Variants in ECD observed in about 807,000 individuals in gnomAD.
ECD encodes the protein ecdysoneless cell cycle regulator.
A neutral mutation model predicts 77.2 loss-of-function variants in ECD; 59 were observed. The observed-to-expected ratio is 0.76, with a 90% confidence interval of 0.62 to 0.95. ECD has a LOEUF of 0.95. ECD is among the 40% of genes least tolerant of loss of function. The pLI is 0.00. For synonymous variants in ECD, 233 were observed against 267.4 expected (o/e 0.87, Z 1.26); for missense variants, 704 against 763.4 (o/e 0.92, Z 0.92).
chr10:73,136,839 G>T lies in ECD; in HGVS notation c.1569C>A (p.Asp523Glu). 1 of 1,614,068 alleles carries T rather than the reference G, an allele frequency of 6.2e-7. No individual in the cohort carries two copies. Among genetic ancestry groups the T allele is most frequent in the Non-Finnish European group, 8.5e-7 (1 of 1,180,018 alleles). The change falls in exon 13 of 14, where the codon GAC (aspartate) becomes GAA (glutamate). Residue 523 changes from aspartate to glutamate, a missense_variant. By Grantham distance (45) the Asp-to-Glu change is conservative. Around this residue, in one of 3 missense-constraint regions of ECD, gnomAD observed 142 missense variants for 163.6 expected, o/e 0.87. Coordinates refer to ENST00000372979, the MANE Select transcript of ECD (RefSeq NM_007265.3). ...CTTCGCCAGGTTCGTGTGTTTCAAA[G>T]TCCAAGTCATCATCACTATCTAAAC... is the stretch of plus-strand genomic sequence containing the variant. ...FECLDSDDDLDFETHEPGEEA... is the reference protein window; with the variant it reads ...FECLDSDDDLEFETHEPGEEA...
intron 3 of ECD, among the ~76,000 whole-genome samples, chr10:73,158,181 G>A (rs1396254763): frequency 6.6e-6 from 1 of 151,650 alleles, no homozygotes; most frequent in Non-Finnish European, 1.5e-5. Flanking sequence ...GGCTCGTCTC[G>A]AACTTCTGAC....
At chr10:73,158,781 T>C (rs1242971951) in intron 3 of ECD, among the ~76,000 whole-genome samples, 1 of 152,096 alleles carries the variant, frequency 6.6e-6, no homozygotes, top group Non-Finnish European at 1.5e-5. Flanking sequence ...CATGTGCCTG[T>C]AGTACCAGCT....
Position 73,161,904 on chromosome 10 carries a change from T to C in ECD, c.206-1353A>G, listed in dbSNP as rs374551078. 1.4e-4 allele frequency among the ~76,000 whole-genome samples: 21 copies of C among 152,290 alleles called. No homozygotes were observed. In the South Asian group the frequency reaches 4.1e-3, roughly 30 times the overall value. ...CACGAAAATCAATGTACAGTTAATA[T>C]CCCACATTAACAGAATGAAGGTCAA... On this transcript the variant is annotated intron_variant, in intron 2 of 13. Coordinates refer to ENST00000372979, the MANE Select transcript of ECD (RefSeq NM_007265.3).
At chr10:73,151,326 A>G (rs1371290505) in intron 7 of ECD, among the ~76,000 whole-genome samples, 1 of 143,158 alleles carries the variant, frequency 7.0e-6, no homozygotes, top group Non-Finnish European at 1.5e-5. Context: ...GAATTGAACA[A>G]TGAGAACACA....
At chr10:73,153,146 G>A (rs998253408) in intron 6 of ECD, among the ~76,000 whole-genome samples, 2 of 151,896 alleles carry the variant, frequency 1.3e-5, no homozygotes, top group African/African-American at 4.8e-5. Flanking sequence ...TCAAACTCCT[G>A]ACCTCAGGTG....
chr10:73,153,048 G>T (rs2133263652), intron 6 of ECD, among the ~76,000 whole-genome samples: 1 of 151,768 alleles, frequency 6.6e-6, no homozygotes, highest in South Asian at 2.1e-4. Context: ...ACAGGGTCTT[G>T]CTCTGTTGCA....
At chr10:73,154,624 A>G (rs1254131600) in intron 5 of ECD, among the ~76,000 whole-genome samples, 176 bp from the exon 6 acceptor site, 1 of 152,224 alleles carries the variant, frequency 6.6e-6, no homozygotes, top group Non-Finnish European at 1.5e-5. Context: ...AGAGGGAAAG[A>G]AAAAAGTAGG....
At chr10:73,148,644 C>T (rs1415391385) in intron 7 of ECD, among the ~76,000 whole-genome samples, 1 of 152,006 alleles carries the variant, frequency 6.6e-6, no homozygotes, top group East Asian at 1.9e-4. Flanking sequence ...ATAAAGATTC[C>T]TGTTCTCTTC....
intron 2 of ECD, among the ~76,000 whole-genome samples, 164 bp downstream of exon 2, chr10:73,163,569 A>G (rs1564668420): frequency 6.6e-6 from 1 of 152,220 alleles, no homozygotes; most frequent in Non-Finnish European, 1.5e-5. Flanking sequence ...TTTTTAAAAA[A>G]AAGCTTTAAG....
chr10:73,163,639 T>G, intron 2 of ECD, 94 bp downstream of exon 2: 1 of 1,259,786 alleles, frequency 7.9e-7, no homozygotes, highest in Non-Finnish European at 1.1e-6. Flanking sequence ...AATCTCTTCC[T>G]GGCAACACTG....
rs928436878 is a variant in ECD, at chr10:73,133,848, A to T, written c.*735T>A. ...AATTAAGTACAGTATCAGGTATGAA[A>T]TATCCAAAATAGGCAAATCCATAGA... On this transcript the variant is annotated 3_prime_UTR_variant, in exon 14 of 14. Transcript: ENST00000372979. 1.3e-5 allele frequency: 2 copies of T among 152,214 alleles called. No individual in the cohort carries two copies. Among genetic ancestry groups the T allele is most frequent in the African/African-American group, 4.8e-5 (2 of 41,460 alleles). 9.4% of individuals were successfully genotyped at this position (152,214 alleles called of 1,614,324 possible). A position where few individuals can be genotyped will look rare whatever the true frequency, so the allele number is the denominator to read the frequency against.
At chr10:73,148,198 T>C (rs1843153062) in intron 8 of ECD, 78 bp downstream of exon 8, 5 of 1,519,778 alleles carry the variant, frequency 3.3e-6, no homozygotes, top group African/African-American at 1.4e-5. Context: ...CATTTAAATA[T>C]GGACTATAGG....
chr10:73,157,226 T>G (rs1843308401), intron 3 of ECD, among the ~76,000 whole-genome samples: 1 of 151,540 alleles, frequency 6.6e-6, no homozygotes, highest in South Asian at 2.1e-4. Context: ...ATTTTTGTAT[T>G]TTTAGTAGAG....
chr10:73,156,760 T>C, intron 3 of ECD, 105 bp from the exon 4 acceptor site: 1 of 1,103,498 alleles, frequency 9.1e-7, no homozygotes, highest in South Asian at 1.3e-5. Context: ...AGTAAATATT[T>C]GAGTATGTAC....
chr10:73,139,241 T>G, intron 11 of ECD, 68 bp downstream of exon 11: 2 of 1,379,664 alleles, frequency 1.4e-6, no homozygotes. Flanking sequence ...AAAGTGGAAA[T>G]GGCAATGACT....
intron 3 of ECD, among the ~76,000 whole-genome samples, chr10:73,157,412 T>TA (rs1843310655): frequency 6.6e-6 from 1 of 151,526 alleles, no homozygotes; most frequent in African/African-American, 2.4e-5. Flanking sequence ...TTACATTTTT[T>TA]AAAAAAATGT....
intron 9 of ECD, among the ~76,000 whole-genome samples, chr10:73,142,632 C>CAA (rs35853120): frequency 7.2e-4 from 53 of 73,564 alleles, no homozygotes; most frequent in East Asian, 5.5e-3. Flanking sequence ...GACTCCATCT[C>CAA]AAAAAAAAAA....
At chr10:73,161,390 T>A (rs1843379051) in intron 2 of ECD, among the ~76,000 whole-genome samples, 1 of 151,938 alleles carries the variant, frequency 6.6e-6, no homozygotes, top group Non-Finnish European at 1.5e-5. Context: ...ACAACTTATG[T>A]CATAGAAATA....
chr10:73,136,792 A>C lies in ECD; in HGVS notation c.1616T>G (p.Leu539Arg), dbSNP rs748515708. 2 of 1,614,076 alleles carry C rather than the reference A, an allele frequency of 1.2e-6. No individual in the cohort carries two copies. Among genetic ancestry groups the C allele is most frequent in the Non-Finnish European group, 1.7e-6 (2 of 1,180,018 alleles). ...PGEEASLKGT[L>R]DNLKSYMAQM... ...GGCCATGTATGACTTGAGATTATCA[A>C]GTGTTCCTTTCAGGGAAGCCTCTTC... Residue 539 changes from leucine (L) to arginine (R), a missense_variant, in exon 13 of 14, where the codon CTT (leucine) becomes CGT (arginine). This residue lies in a region of ECD where 142 missense variants were observed against 163.6 expected (regional missense o/e 0.87). Transcript: ENST00000372979.
Sources: allele counts gnomAD v4.1 joint callset (sites outside exome capture counted in the v4.1 genomes callset), GRCh38; gene constraint gnomAD v4.1.1; regional missense constraint gnomAD v4.1.1; transcripts MANE v1.5; gene names NCBI Gene and HGNC (gene_info 2026-07-23, HGNC 2026-07-21).